Variants in PDE4D observed in about 807,000 individuals in gnomAD.
PDE4D encodes the protein phosphodiesterase 4D, also known as 3',5'-cyclic-AMP phosphodiesterase 4D.
In PDE4D, 24 loss-of-function variants were observed where a neutral mutation model predicts 87.4. The ratio of observed to expected loss-of-function variants is 0.27; its 90% CI spans 0.20 to 0.39. PDE4D has a LOEUF of 0.39. Among genes scored for constraint, PDE4D ranks in the 10% least tolerant of loss-of-function variants. The pLI is 1.00. For missense variants in PDE4D, 714 were observed against 1,041.0 expected, an observed-to-expected ratio of 0.69 and a Z score of 4.32; for synonymous variants, 384 against 383.2, an observed-to-expected ratio of 1.00 and a Z score of -0.02.
chr5:59,151,923 A>G, intron 5 of PDE4D, among the ~76,000 whole-genome samples: 1 of 152,194 alleles, frequency 6.6e-6, no homozygotes. Context: ...GAGACTGGAA[A>G]AAGAAGAGGC....
chr5:59,994,039 TTTATTA>T (rs143235702), intron 2 of PDE4D, among the ~76,000 whole-genome samples: 1 of 152,072 alleles, frequency 6.6e-6, no homozygotes, highest in African/African-American at 2.4e-5. Flanking sequence ...GAATGTTAAA[TTTATTA>T]TTATTATTTT....
intron 6 of PDE4D, among the ~76,000 whole-genome samples, chr5:59,031,707 C>CAAA (rs70973183): frequency 0.12 from 1,959 of 16,694 alleles, 289 homozygotes; most frequent in Non-Finnish European, 0.16. Context: ...GACTCCACCT[C>CAAA]AAAAAAAAAA....
At chr5:59,662,395 A>G (rs1191998910) in intron 1 of PDE4D, among the ~76,000 whole-genome samples, 1 of 152,238 alleles carries the variant, frequency 6.6e-6, no homozygotes, top group Non-Finnish European at 1.5e-5. Flanking sequence ...ACAATGGAGC[A>G]GATGGAGTGA....
chr5:59,156,320 A>ATATATATATATATATAT (rs1554082852), intron 5 of PDE4D, among the ~76,000 whole-genome samples: 88 of 81,712 alleles, frequency 1.1e-3, no homozygotes, highest in African/African-American at 2.0e-3. Flanking sequence ...AAAAAAAAAA[A>ATATATATATATATATAT]ATATATATAT....
chr5:59,017,978 G>T (rs1313921385), intron 6 of PDE4D, among the ~76,000 whole-genome samples: 1 of 152,158 alleles, frequency 6.6e-6, no homozygotes, highest in African/African-American at 2.4e-5. Context: ...TTCGAATCTT[G>T]GCCCTGCCTC....
intron 6 of PDE4D, among the ~76,000 whole-genome samples, chr5:59,002,992 TATACTA>T (rs1417316044): frequency 2.6e-5 from 4 of 152,176 alleles, no homozygotes; most frequent in Admixed American, 2.6e-4. Context: ...ATCATTCTAT[TATACTA>T]ATATTTAAAA....
chr5:59,074,713 C>T (rs1050709001), intron 5 of PDE4D, among the ~76,000 whole-genome samples: 4 of 152,120 alleles, frequency 2.6e-5, no homozygotes, highest in Admixed American at 1.3e-4. Flanking sequence ...GAGCCAAGAT[C>T]GTACCACTTC....
chr5:59,033,804 A>G (rs1299008566), intron 6 of PDE4D, among the ~76,000 whole-genome samples: 1 of 152,132 alleles, frequency 6.6e-6, no homozygotes, highest in African/African-American at 2.4e-5. Context: ...TACCACTACT[A>G]CCCCAAATAT....
At chr5:59,595,741 G>A (rs1457912478) in intron 1 of PDE4D, among the ~76,000 whole-genome samples, 2 of 152,006 alleles carry the variant, frequency 1.3e-5, no homozygotes, top group Admixed American at 1.3e-4. Context: ...GTATTCCTCT[G>A]GATGTTTCTA....
At chr5:59,465,986 A>C (rs959261777) in intron 1 of PDE4D, among the ~76,000 whole-genome samples, 1 of 152,184 alleles carries the variant, frequency 6.6e-6, no homozygotes, top group Non-Finnish European at 1.5e-5. Context: ...AGAATTTTCT[A>C]TAAAATTGTG....
At chr5:59,363,486 C>T (rs1044470786) in intron 1 of PDE4D, among the ~76,000 whole-genome samples, 16 of 152,078 alleles carry the variant, frequency 1.1e-4, no homozygotes, top group African/African-American at 3.6e-4. Flanking sequence ...TAAGTAAATA[C>T]AGGAATGAAA....
intron 1 of PDE4D, among the ~76,000 whole-genome samples, chr5:59,522,665 T>G (rs1482665664): frequency 6.6e-6 from 1 of 152,174 alleles, no homozygotes; most frequent in Non-Finnish European, 1.5e-5. Context: ...GGGCAAAGAA[T>G]CTTGAGGAGT....
chr5:59,966,917 G>T (rs778455294), intron 3 of PDE4D, among the ~76,000 whole-genome samples: 1 of 152,158 alleles, frequency 6.6e-6, no homozygotes, highest in Admixed American at 6.5e-5. Flanking sequence ...TCCTAGCAGA[G>T]AACTTTTATA....
chr5:59,725,776 C>T (rs1417495213), intron 1 of PDE4D, among the ~76,000 whole-genome samples: 1 of 152,006 alleles, frequency 6.6e-6, no homozygotes, highest in Non-Finnish European at 1.5e-5. Flanking sequence ...ATTTGAAATC[C>T]TAAGGGCTTT....
At chr5:59,891,279 T>C (rs1750917098) in intron 1 of PDE4D, among the ~76,000 whole-genome samples, 1 of 152,246 alleles carries the variant, frequency 6.6e-6, no homozygotes, top group Admixed American at 6.5e-5. Flanking sequence ...CTCAGGCATA[T>C]TCTATTTTAT....
At chr5:59,425,399 G>A (rs1041692216) in intron 1 of PDE4D, among the ~76,000 whole-genome samples, 5 of 152,120 alleles carry the variant, frequency 3.3e-5, no homozygotes, top group Non-Finnish European at 4.4e-5. Flanking sequence ...GCTGTCGTGT[G>A]TATTATAGGA....
At chr5:59,552,509 C>T (rs779310374) in intron 1 of PDE4D, among the ~76,000 whole-genome samples, 5 of 152,068 alleles carry the variant, frequency 3.3e-5, no homozygotes, top group African/African-American at 7.2e-5. Flanking sequence ...TATTATGTTA[C>T]GTCTTATTGC....
At chr5:60,202,065 G>A (rs1741980795) in intron 1 of PDE4D, among the ~76,000 whole-genome samples, 1 of 152,198 alleles carries the variant, frequency 6.6e-6, no homozygotes, top group Admixed American at 6.5e-5. Context: ...GAAAATATAT[G>A]TGAACGTTTT....
At chr5:59,444,545 G>T (rs998059245) in intron 1 of PDE4D, among the ~76,000 whole-genome samples, 22 of 152,292 alleles carry the variant, frequency 1.4e-4, no homozygotes, top group Non-Finnish European at 1.3e-4. Flanking sequence ...GGGCGCGGTG[G>T]CTCACGCCTG....
Sources: allele counts gnomAD v4.1 joint callset (sites outside exome capture counted in the v4.1 genomes callset), GRCh38; gene constraint gnomAD v4.1.1; transcripts MANE v1.5; gene names NCBI Gene and HGNC (gene_info 2026-07-23, HGNC 2026-07-21).